Variants in KCNIP4 observed in about 807,000 individuals in gnomAD.
KCNIP4 encodes Kv channel-interacting protein 4.
A neutral mutation model predicts 34.0 loss-of-function variants in KCNIP4; 12 were observed. The ratio of observed to expected loss-of-function variants is 0.35; its 90% CI spans 0.23 to 0.57. KCNIP4 has a LOEUF of 0.57. Among genes scored for constraint, KCNIP4 ranks in the 20% least tolerant of loss-of-function variants. The pLI is 0.83. For synonymous variants in KCNIP4, 124 were observed against 102.2 expected (o/e 1.21, Z -1.29); for missense variants, 238 against 311.7 (o/e 0.76, Z 1.78).
rs114765556 is a variant in KCNIP4 at position 21,337,830 on chromosome 4, G to T, written c.62-455121C>A. Among the ~76,000 whole-genome samples the T allele has an allele frequency of 1.3e-3, 196 of 152,212 alleles. 1 individual carries two copies. The highest frequency in any genetic ancestry group is 4.5e-3 in the African/African-American group (186 of 41,544). On this transcript the variant is annotated intron_variant, in intron 1 of 8. Coordinates refer to ENST00000382152, the MANE Select transcript of KCNIP4 (RefSeq NM_025221.6). The stretch of plus-strand genomic sequence containing the variant: ...ATTGTAAAGTGGAATATTAATTTAA[G>T]CAAGTTATTTAAGATCAGTTTGTTA...
At chr4:21,247,294 C>A (rs905210510) in intron 1 of KCNIP4, among the ~76,000 whole-genome samples, 8 of 152,004 alleles carry the variant, frequency 5.3e-5, no homozygotes, top group African/African-American at 1.4e-4. Context: ...GTTAGCCATC[C>A]ATACCAGTCA....
intron 3 of KCNIP4, 180 bp downstream of exon 3, chr4:20,850,363 G>A: frequency 1.7e-6 from 1 of 590,756 alleles, no homozygotes. Flanking sequence ...TGCCAGCATG[G>A]GTGTGCCACA....
rs542134625 is a variant in KCNIP4, at chr4:21,093,298, C to G, written c.62-210589G>C. On this transcript the variant is annotated intron_variant, in intron 1 of 8. Transcript: ENST00000382152. Reference sequence around the variant, plus strand: ...ATTTGCAGGAAAATGAGTTACCTTCCTAATAGCCCTTAATTACAATTACAA... The same window carrying G: ...ATTTGCAGGAAAATGAGTTACCTTCGTAATAGCCCTTAATTACAATTACAA... Among the ~76,000 whole-genome samples, 177 of 152,298 alleles carry G rather than the reference C, an allele frequency of 1.2e-3. 4 individuals are homozygous for G. The South Asian group carries it at 0.033, about 29-fold the overall frequency.
intron 1 of KCNIP4, among the ~76,000 whole-genome samples, chr4:21,243,438 G>C (rs1186877391): frequency 6.6e-6 from 1 of 152,156 alleles, no homozygotes; most frequent in Non-Finnish European, 1.5e-5. Context: ...TGTACATAAA[G>C]TTTGCAAAGA....
chr4:20,871,081 C>A (rs1723409247), intron 2 of KCNIP4, among the ~76,000 whole-genome samples: 1 of 152,154 alleles, frequency 6.6e-6, no homozygotes, highest in African/African-American at 2.4e-5. Context: ...CTTATTACCA[C>A]TAATGCCTAG....
At chr4:20,784,760 A>G (rs1271570418) in intron 3 of KCNIP4, among the ~76,000 whole-genome samples, 1 of 152,150 alleles carries the variant, frequency 6.6e-6, no homozygotes, top group Non-Finnish European at 1.5e-5. Context: ...TTGGCTCACA[A>G]TCGAGTGGAA....
chr4:21,044,333 AT>A (rs1742244303), intron 1 of KCNIP4, among the ~76,000 whole-genome samples: 2 of 151,648 alleles, frequency 1.3e-5, no homozygotes, highest in East Asian at 3.9e-4. Context: ...TTCTTTTGAG[AT>A]GGAGTCTCAC....
chr4:21,466,833 C>A (rs1038966895), intron 1 of KCNIP4, among the ~76,000 whole-genome samples: 15 of 152,062 alleles, frequency 9.9e-5, no homozygotes, highest in African/African-American at 3.6e-4. Flanking sequence ...ATCGCAGTAC[C>A]CCATCCCTGG....
chr4:21,392,593 A>G (rs1430078535), intron 1 of KCNIP4, among the ~76,000 whole-genome samples: 1 of 152,220 alleles, frequency 6.6e-6, no homozygotes, highest in Non-Finnish European at 1.5e-5. Flanking sequence ...CTCTGGTGTG[A>G]AACGAAAAAT....
intron 6 of KCNIP4, among the ~76,000 whole-genome samples, chr4:20,733,407 A>G (rs1332364011): frequency 1.3e-5 from 2 of 152,212 alleles, no homozygotes; most frequent in Admixed American, 6.6e-5. Context: ...GAGAGTAAAA[A>G]TAATCTCTAA....
At chr4:20,777,306 G>T (rs1279658615) in intron 3 of KCNIP4, among the ~76,000 whole-genome samples, 1 of 152,070 alleles carries the variant, frequency 6.6e-6, no homozygotes, top group Non-Finnish European at 1.5e-5. Context: ...AATAGCATGG[G>T]GGCAACTGCC....
At chr4:21,512,170 GAGGA>G (rs1180854218) in intron 1 of KCNIP4, among the ~76,000 whole-genome samples, 4 of 127,700 alleles carry the variant, frequency 3.1e-5, no homozygotes, top group African/African-American at 9.4e-5. Context: ...GGGAGGGAGG[GAGGA>G]AGGAAGGAAC....
chr4:21,158,803 G>T lies in KCNIP4; in HGVS notation c.62-276094C>A, dbSNP rs965264566. Among the ~76,000 whole-genome samples, 4 of 152,066 alleles carry T rather than the reference G, an allele frequency of 2.6e-5. No homozygotes were observed. In the East Asian group the frequency reaches 7.7e-4, roughly 29 times the overall value. ...CTAGCCAGTGCAACAACAAAAAAAA[G>T]AAATACAGTATTGAGCATGAAGAAG... On this transcript the variant is annotated intron_variant, in intron 1 of 8. Coordinates refer to ENST00000382152, the MANE Select transcript of KCNIP4 (RefSeq NM_025221.6).
intron 1 of KCNIP4, among the ~76,000 whole-genome samples, chr4:21,326,612 T>TTGGATAATTTGAA (rs893326944): frequency 6.6e-6 from 1 of 151,852 alleles, no homozygotes; most frequent in Non-Finnish European, 1.5e-5. Context: ...TGTCTTTTGA[T>TTGGATAATTTGAA]TGGATAATTT....
At chr4:21,381,407 T>G (rs954776666) in intron 1 of KCNIP4, among the ~76,000 whole-genome samples, 24 of 152,220 alleles carry the variant, frequency 1.6e-4, no homozygotes, top group African/African-American at 5.5e-4. Context: ...ATCATTCATA[T>G]GCTTTCATTC....
At position 21,151,405 on chromosome 4, in the gene KCNIP4, A is replaced by ATTTTTTTTTTTTTTT. The variant is rs1491541435; in HGVS notation, c.62-268697_62-268696insAAAAAAAAAAAAAAA. On this transcript the variant is annotated intron_variant, in intron 1 of 8. Coordinates refer to ENST00000382152, the MANE Select transcript of KCNIP4 (RefSeq NM_025221.6). ...AGAATGGATGTCTTCAACAAAAGACAATTTTTTTTTTTTTTTTTTTTTTTT... is the reference window on the plus strand; with the variant it reads ...AGAATGGATGTCTTCAACAAAAGACATTTTTTTTTTTTTTTATTTTTTTTTTTTTTTTTTTTTTTT... Among the ~76,000 whole-genome samples the ATTTTTTTTTTTTTTT allele has an allele frequency of 5.9e-4, 55 of 93,508 alleles. 14 individuals carry two copies. Among genetic ancestry groups the ATTTTTTTTTTTTTTT allele is most frequent in the African/African-American group, 9.3e-4 (23 of 24,698 alleles). The allele number at this position is 93,508 out of a possible 152,430, so 61.3% of individuals were successfully genotyped here.
chr4:20,820,805 C>T (rs928973143), intron 3 of KCNIP4, among the ~76,000 whole-genome samples: 3 of 152,154 alleles, frequency 2.0e-5, no homozygotes, highest in African/African-American at 7.2e-5. Flanking sequence ...AATTTCTGCT[C>T]CACCCATTCC....
At chr4:20,795,162 G>T (rs1353890166) in intron 3 of KCNIP4, among the ~76,000 whole-genome samples, 1 of 152,072 alleles carries the variant, frequency 6.6e-6, no homozygotes, top group East Asian at 1.9e-4. Context: ...GGAGAAAGTG[G>T]GACTCTGAAT....
At chr4:21,669,491 A>C (rs1749298013) in intron 1 of KCNIP4, among the ~76,000 whole-genome samples, 1 of 152,248 alleles carries the variant, frequency 6.6e-6, no homozygotes, top group African/African-American at 2.4e-5. Flanking sequence ...CATGTTAATC[A>C]ACTGAATATA....
Sources: gnomAD v4.1 joint callset for allele counts (sites outside exome capture counted in the v4.1 genomes callset) on GRCh38, gnomAD v4.1.1 for gene constraint, MANE v1.5 for transcripts, NCBI Gene and HGNC (gene_info 2026-07-23, HGNC 2026-07-21) for gene names.